SLC13A4: variants seen among roughly 807,000 people sequenced by gnomAD.
The protein encoded by SLC13A4 is solute carrier family 13 member 4.
Under a neutral mutation model 72.7 loss-of-function variants are expected in SLC13A4, and 28 were observed. That is an observed-to-expected ratio of 0.39 (90% CI 0.29 to 0.53). The LOEUF is 0.53. Among genes scored for constraint, SLC13A4 ranks in the 20% least tolerant of loss-of-function variants. The pLI is 0.78. For synonymous variants in SLC13A4, 312 were observed against 325.5 expected (o/e 0.96, Z 0.45); for missense variants, 653 against 788.0 (o/e 0.83, Z 2.05).
Position 135,716,684 on chromosome 7 carries a change from A to G in SLC13A4, c.228+4711T>C, listed in dbSNP as rs141364555. Among the ~76,000 whole-genome samples, 135 of 152,348 alleles carry G rather than the reference A, an allele frequency of 8.9e-4. 1 individual carries two copies. The highest frequency in any genetic ancestry group is 3.1e-3 in the African/African-American group (128 of 41,586). ...GGTTAAGAGCTCAAGTTCTGGAATC[A>G]TACAATCTTGGATTCAAGTCCCAGC... On this transcript the variant is annotated intron_variant, in intron 2 of 15. Coordinates refer to ENST00000682651, the MANE Select transcript of SLC13A4 (RefSeq NM_001318192.2).
Position 135,695,882 on chromosome 7 carries a change from T to C in SLC13A4, c.900-395A>G, listed in dbSNP as rs180997596. On this transcript the variant is annotated intron_variant, in intron 8 of 15. Transcript: ENST00000682651. ...ATCACCAAAGGAATGTAAGTTTTGA[T>C]TGGGGGACACAATTCTGGAGAATCT... 1.3e-3 allele frequency among the ~76,000 whole-genome samples: 205 copies of C among 152,318 alleles called. 1 individual carries two copies. The highest frequency in any genetic ancestry group is 1.9e-3 in the Non-Finnish European group (129 of 68,022).
rs1795503318 is a variant in SLC13A4, at chr7:135,681,605, G to T, written c.1842C>A (p.Tyr614Ter). The change falls in exon 16 of 16, where the codon TAC (tyrosine) becomes TAA (stop). Residue 614 changes from tyrosine (Y) to a stop codon, truncating the protein, a stop_gained. Transcript: ENST00000682651. LOFTEE classifies it high-confidence loss of function. Reference sequence around the variant, plus strand: ...TGTTGCTGACCCTCGCCCATGCTGGGTAAGTGTCCAGGTGGAAGAGGCTAA... The same window carrying T: ...TGTTGCTGACCCTCGCCCATGCTGGTTAAGTGTCCAGGTGGAAGAGGCTAA... Reference protein sequence around the residue: ...WGVSLFHLDTYPAWARVSNIT... With the variant: ...WGVSLFHLDT 2 of 1,614,160 alleles carry T rather than the reference G, an allele frequency of 1.2e-6. No individual in the cohort carries two copies. The highest frequency in any genetic ancestry group is 1.1e-5 in the South Asian group (1 of 91,076).
At chr7:135,707,943 A>G (rs1033874422) in intron 3 of SLC13A4, 171 bp downstream of exon 3, 8 of 701,976 alleles carry the variant, frequency 1.1e-5, no homozygotes, top group African/African-American at 1.1e-4. Flanking sequence ...TCTCTACTCC[A>G]TGATCACAGG....
intron 2 of SLC13A4, among the ~76,000 whole-genome samples, chr7:135,714,474 C>T (rs1407773006): frequency 1.3e-5 from 2 of 152,180 alleles, no homozygotes; most frequent in Non-Finnish European, 2.9e-5. Context: ...AGCTTGGTCT[C>T]GAAAGGCTGC....
chr7:135,707,813 A>C, intron 3 of SLC13A4: 1 of 251,440 alleles, frequency 4.0e-6, no homozygotes, highest in Non-Finnish European at 7.6e-6. Flanking sequence ...TTGGGAAACA[A>C]TTTCTCTTGG....
chr7:135,716,240 C>A (rs557393331), intron 2 of SLC13A4, among the ~76,000 whole-genome samples: 1 of 152,240 alleles, frequency 6.6e-6, no homozygotes, highest in South Asian at 2.1e-4. Flanking sequence ...TCCTGGCCAC[C>A]CACCTCTGGA....
chr7:135,700,951 T>C (rs1211940366), intron 7 of SLC13A4, among the ~76,000 whole-genome samples: 1 of 152,226 alleles, frequency 6.6e-6, no homozygotes, highest in Non-Finnish European at 1.5e-5. Context: ...CATCCAATTT[T>C]GTAATTGGAA....
intron 2 of SLC13A4, among the ~76,000 whole-genome samples, chr7:135,715,169 ATG>A (rs1326549066): frequency 6.7e-5 from 10 of 148,616 alleles, no homozygotes; most frequent in Admixed American, 2.7e-4. Flanking sequence ...GAGAGTATAT[ATG>A]TGTATATGGG....
chr7:135,695,278 C>G lies in SLC13A4; in HGVS notation c.1019+90G>C, dbSNP rs1023565893. The G allele has an allele frequency of 3.2e-6, 5 of 1,560,962 alleles. No homozygotes were observed. The African/African-American group carries it at 5.4e-5, about 17-fold the overall frequency. On this transcript the variant is annotated intron_variant, in intron 9 of 15. Transcript: ENST00000682651. ...ATCCTCTGTGGTTACTTGGCAGTCC[C>G]CCTTGCACAGAGCCATCCAGGGCCC...
At position 135,702,127 on chromosome 7, in the gene SLC13A4, C is replaced by G. The variant is rs146526171; in HGVS notation, c.634-367G>C. The stretch of plus-strand genomic sequence containing the variant: ...CACAGTTTTTTGTTTGTTTTAGAGA[C>G]AGGGTCTCACTGTGTTGTCCAGGCT... On this transcript the variant is annotated intron_variant, in intron 6 of 15. Coordinates refer to ENST00000682651, the MANE Select transcript of SLC13A4 (RefSeq NM_001318192.2). The G allele has an allele frequency of 4.0e-3, 670 of 168,834 alleles. 1 individual carries two copies. Among genetic ancestry groups the G allele is most frequent in the Middle Eastern group, 8.0e-3 (3 of 376 alleles). The allele number at this position is 168,834 out of a possible 1,614,324, so 10.5% of individuals were successfully genotyped here.
chr7:135,710,899 TGCCCCCTGGGGGCAGGGAAG>T (rs928044634), intron 2 of SLC13A4, among the ~76,000 whole-genome samples: 2 of 149,546 alleles, frequency 1.3e-5, no homozygotes, highest in East Asian at 2.0e-4. Context: ...CTGTCACGAA[TGCCCCCTGGGGGCAGGGAAG>T]GCCCCCTGCT....
chr7:135,690,901 A>G (rs1421685750), intron 13 of SLC13A4, among the ~76,000 whole-genome samples: 1 of 152,224 alleles, frequency 6.6e-6, no homozygotes, highest in Non-Finnish European at 1.5e-5. Context: ...GCAGTGGCTC[A>G]TGCCTGTCAT....
At position 135,694,125 on chromosome 7, in the gene SLC13A4, G is replaced by C; in HGVS notation, c.1121+12C>G. 1 of 1,509,582 alleles carries C rather than the reference G, an allele frequency of 6.6e-7. No homozygotes were observed. Among genetic ancestry groups the C allele is most frequent in the East Asian group, 2.3e-5 (1 of 44,402 alleles). The allele number at this position is 1,509,582 out of a possible 1,614,324, so 93.5% of individuals were successfully genotyped here. A position where few individuals can be genotyped will look rare whatever the true frequency, so the allele number is the denominator to read the frequency against. On this transcript the variant is annotated intron_variant, in intron 10 of 15. Coordinates refer to ENST00000682651, the MANE Select transcript of SLC13A4 (RefSeq NM_001318192.2). ...GCTGGAGAAGGAGGGAAGAGGAATG[G>C]CTGATTTTTACCTAATGTCTCCCAG...
chr7:135,689,931 G>A (rs1180868993), intron 13 of SLC13A4, among the ~76,000 whole-genome samples: 2 of 152,118 alleles, frequency 1.3e-5, no homozygotes, highest in African/African-American at 4.8e-5. Context: ...TGTAATCCCA[G>A]TACTTTGGGA....
intron 5 of SLC13A4, chr7:135,705,349 G>A: frequency 2.2e-6 from 1 of 447,442 alleles, no homozygotes; most frequent in East Asian, 3.2e-5. Flanking sequence ...ATTCAGTGTG[G>A]CCTTTTTATT....
At chr7:135,685,710 A>G in intron 13 of SLC13A4, 27 bp from the exon 14 acceptor site, 2 of 1,588,530 alleles carry the variant, frequency 1.3e-6, no homozygotes, top group Non-Finnish European at 1.7e-6. Flanking sequence ...TACAGTAAGA[A>G]GAAAGGAGAA....
intron 6 of SLC13A4, 126 bp from the exon 7 acceptor site, chr7:135,701,886 G>T: frequency 1.2e-6 from 1 of 826,740 alleles, no homozygotes; most frequent in African/African-American, 1.7e-5. Flanking sequence ...GAGGCCAGAA[G>T]CCAGGGGGAG....
chr7:135,689,087 T>A (rs1052459238), intron 13 of SLC13A4: 3 of 152,014 alleles, frequency 2.0e-5, no homozygotes, highest in African/African-American at 7.3e-5. Context: ...CTTACTATGT[T>A]GCCCAGGCTA....
Position 135,694,144 on chromosome 7 carries a change from C to G in SLC13A4, c.1114G>C (p.Asp372His). The change falls in exon 10 of 16, where the codon GAC becomes CAC. Residue 372 changes from aspartate (D) to histidine (H), a missense_variant. Coordinates refer to ENST00000682651, the MANE Select transcript of SLC13A4 (RefSeq NM_001318192.2). The stretch of plus-strand genomic sequence containing the variant: ...GGAATGGCTGATTTTTACCTAATGT[C>G]TCCCAGTTTTTCATATTCTTCTTGG... ...RIQEEYEKLG[D>H]ISYPEMVTGF... 6.3e-7 allele frequency: 1 copy of G among 1,598,318 alleles called. No homozygotes were observed. Among genetic ancestry groups the G allele is most frequent in the Non-Finnish European group, 8.6e-7 (1 of 1,165,728 alleles).
Sources: allele counts gnomAD v4.1 joint callset (sites outside exome capture counted in the v4.1 genomes callset), GRCh38; gene constraint gnomAD v4.1.1; transcripts MANE v1.5; gene names NCBI Gene and HGNC (gene_info 2026-07-23, HGNC 2026-07-21).